Variants in TRPM3 observed in about 807,000 individuals in gnomAD.
TRPM3 encodes long transient receptor potential channel 3.
TRPM3 carries 77 observed loss-of-function variants against 181.2 expected under a neutral mutation model. That is an observed-to-expected ratio of 0.42 (90% CI 0.35 to 0.51). The LOEUF (loss-of-function observed/expected upper bound fraction) is 0.51. Among genes scored for constraint, TRPM3 ranks in the 20% least tolerant of loss-of-function variants. TRPM3 has a pLI of 0.01. For synonymous variants in TRPM3, 745 were observed against 796.4 expected (o/e 0.94, Z 1.09); for missense variants, 1,759 against 2,196.7 (o/e 0.80, Z 3.98).
At position 70,604,769 on chromosome 9, in the gene TRPM3, C is replaced by T. The variant is rs115196505; in HGVS notation, c.2668-1299G>A. Among the ~76,000 whole-genome samples the T allele has an allele frequency of 4.9e-4, 74 of 151,710 alleles. No individual in the cohort carries two copies. In the South Asian group the frequency reaches 0.014, roughly 30 times the overall value. ...TCAGGTAATTCTCCTACTTCAGCCTCCTGGGTAGCTGGGATAACAGGCACG... is the reference window on the plus strand; with the variant it reads ...TCAGGTAATTCTCCTACTTCAGCCTTCTGGGTAGCTGGGATAACAGGCACG... On this transcript the variant is annotated intron_variant, in intron 19 of 25. Transcript: ENST00000677713.
chr9:71,131,957 C>T (rs1341556346), intron 1 of TRPM3, among the ~76,000 whole-genome samples: 6 of 152,164 alleles, frequency 3.9e-5, no homozygotes, highest in Non-Finnish European at 7.4e-5. Flanking sequence ...TCATCAAAGG[C>T]TTAACTTGAT....
At chr9:70,545,548 C>CTTTCTTTTTT (rs778185642) in intron 25 of TRPM3, among the ~76,000 whole-genome samples, 2 of 113,352 alleles carry the variant, frequency 1.8e-5, no homozygotes, top group East Asian at 2.6e-4. Flanking sequence ...AATTTTCTTT[C>CTTTCTTTTTT]TTTTTTTTTT....
chr9:71,279,222 C>T (rs1184450518), intron 1 of TRPM3, among the ~76,000 whole-genome samples: 3 of 152,030 alleles, frequency 2.0e-5, no homozygotes, highest in African/African-American at 7.3e-5. Context: ...AATGCGTACA[C>T]AGACAGAGGA....
chr9:70,562,203 G>A (rs1180968544), intron 22 of TRPM3, among the ~76,000 whole-genome samples: 2 of 152,216 alleles, frequency 1.3e-5, no homozygotes, highest in East Asian at 1.9e-4. Context: ...GTGGTTGACT[G>A]AAGTTTGGGA....
At chr9:70,848,764 T>C (rs575435494) in intron 3 of TRPM3, among the ~76,000 whole-genome samples, 1,271 of 94,410 alleles carry the variant, frequency 0.013, 231 homozygotes, top group Middle Eastern at 0.061. Flanking sequence ...GATCACGAGG[T>C]CAGGAGATCG....
intron 14 of TRPM3, among the ~76,000 whole-genome samples, chr9:70,622,663 C>T (rs969101838): frequency 1.3e-5 from 2 of 152,176 alleles, no homozygotes; most frequent in Admixed American, 1.3e-4. Flanking sequence ...TCTATATTTA[C>T]CAGGAGGTAA....
chr9:71,418,035 A>G (rs2093663892), intron 1 of TRPM3, among the ~76,000 whole-genome samples: 1 of 125,148 alleles, frequency 8.0e-6, no homozygotes, highest in Admixed American at 7.9e-5. Flanking sequence ...TATTTGAGAA[A>G]TTGAAAATCA....
At chr9:71,130,320 T>G (rs1268900871) in intron 1 of TRPM3, among the ~76,000 whole-genome samples, 1 of 152,242 alleles carries the variant, frequency 6.6e-6, no homozygotes, top group Non-Finnish European at 1.5e-5. Context: ...AAAAATACCA[T>G]GATCTATCAT....
intron 3 of TRPM3, among the ~76,000 whole-genome samples, chr9:70,848,550 C>G (rs1367892790): frequency 6.6e-6 from 1 of 152,072 alleles, no homozygotes; most frequent in East Asian, 1.9e-4. Context: ...ACATGTAACA[C>G]CAAAGGGAGG....
chr9:70,912,996 C>T (rs1412974221), intron 1 of TRPM3, among the ~76,000 whole-genome samples: 1 of 152,074 alleles, frequency 6.6e-6, no homozygotes, highest in African/African-American at 2.4e-5. Flanking sequence ...TCCAAGGAAC[C>T]CACTTAGATA....
intron 1 of TRPM3, among the ~76,000 whole-genome samples, chr9:71,135,008 A>G (rs998745087): frequency 1.3e-5 from 2 of 152,212 alleles, no homozygotes; most frequent in African/African-American, 4.8e-5. Context: ...CTCTTACTGT[A>G]AACACAGCCT....
At chr9:71,237,420 C>T (rs2081422037) in intron 1 of TRPM3, among the ~76,000 whole-genome samples, 1 of 152,022 alleles carries the variant, frequency 6.6e-6, no homozygotes, top group Non-Finnish European at 1.5e-5. Context: ...CACCTTGTTT[C>T]AGAAACCTGC....
intron 1 of TRPM3, among the ~76,000 whole-genome samples, chr9:71,022,620 C>T (rs1435811611): frequency 6.6e-6 from 1 of 151,974 alleles, no homozygotes; most frequent in African/African-American, 2.4e-5. Context: ...ATATTTTGAG[C>T]GTAGGAGTTT....
chr9:70,749,056 G>A (rs2075683196), intron 8 of TRPM3, among the ~76,000 whole-genome samples: 1 of 151,888 alleles, frequency 6.6e-6, no homozygotes, highest in Admixed American at 6.6e-5. Context: ...TGTGGAGATA[G>A]GGTTTTGCTA....
chr9:71,434,020 G>T (rs7864710), intron 1 of TRPM3, among the ~76,000 whole-genome samples: 1 of 151,944 alleles, frequency 6.6e-6, no homozygotes, highest in Non-Finnish European at 1.5e-5. Flanking sequence ...TTAGCCAGGC[G>T]TGGTGGCGCG....
intron 1 of TRPM3, among the ~76,000 whole-genome samples, chr9:71,337,870 G>T (rs1292744411): frequency 6.6e-6 from 1 of 152,108 alleles, no homozygotes; most frequent in African/African-American, 2.4e-5. Flanking sequence ...CTCATAAGTG[G>T]GAGTTGAACA....
At chr9:71,375,412 G>T (rs1588722520) in intron 1 of TRPM3, among the ~76,000 whole-genome samples, 1 of 152,000 alleles carries the variant, frequency 6.6e-6, no homozygotes, top group Admixed American at 6.6e-5. Context: ...ACTCAAAACT[G>T]TAAAAACCCT....
chr9:71,008,595 C>T (rs2097703886), intron 1 of TRPM3, among the ~76,000 whole-genome samples: 1 of 152,204 alleles, frequency 6.6e-6, no homozygotes. Context: ...GTAATTCCAG[C>T]ACTTTGAGAG....
intron 1 of TRPM3, among the ~76,000 whole-genome samples, chr9:71,038,953 T>A (rs594380): frequency 0.23 from 34,582 of 152,012 alleles, 4,680 homozygotes; most frequent in East Asian, 0.33. Context: ...TAAAACAGTA[T>A]CACTATTTGA....
Sources: allele counts gnomAD v4.1 joint callset (sites outside exome capture counted in the v4.1 genomes callset), GRCh38; gene constraint gnomAD v4.1.1; transcripts MANE v1.5; gene names NCBI Gene and HGNC (gene_info 2026-07-23, HGNC 2026-07-21).